The following OBSL1 variants were observed in gnomAD, a reference collection of about 807,000 sequenced individuals.
OBSL1 encodes the protein obscurin like cytoskeletal adaptor 1.
Under a neutral mutation model 172.0 loss-of-function variants are expected in OBSL1, and 160 were observed. The ratio of observed to expected loss-of-function variants is 0.93; its 90% CI spans 0.82 to 1.06. The LOEUF is 1.06. Ranked by LOEUF, OBSL1 falls within the 50% of genes least tolerant of loss-of-function variation. OBSL1 has a pLI of 0.00. For missense variants in OBSL1, 2,681 were observed against 2,715.4 expected (o/e 0.99, Z 0.28); for synonymous variants, 1,200 against 1,196.3 (o/e 1.00, Z -0.06).
At chr2:219,563,987 G>A (rs1308160683) in intron 6 of OBSL1, among the ~76,000 whole-genome samples, 2 of 152,196 alleles carry the variant, frequency 1.3e-5, no homozygotes, top group Non-Finnish European at 2.9e-5. Context: ...CCTCTATTAC[G>A]AGAAAGACCC....
chr2:219,562,030 T>C (rs768588544), intron 8 of OBSL1: 6 of 717,192 alleles, frequency 8.4e-6, no homozygotes, highest in South Asian at 3.0e-5. Flanking sequence ...ACAAAGCACA[T>C]GTGTGGAATG....
intron 1 of OBSL1, 80 bp downstream of exon 1, chr2:219,570,141 T>A (rs1203128701): frequency 7.8e-7 from 1 of 1,282,952 alleles, no homozygotes; most frequent in East Asian, 2.6e-5. Flanking sequence ...GGGGCAGCGC[T>A]GGGCACCGAG....
rs201690766 is a variant in OBSL1, at chr2:219,554,605, C to T, written c.4745G>A (p.Gly1582Glu). Residue 1582 changes from glycine to glutamate, a missense_variant, in exon 15 of 21, where the codon GGA becomes GAA. Physicochemically the swap from Gly to Glu is moderately conservative, Grantham distance 98. This residue lies in a region of OBSL1 where 1,765 missense variants were observed against 1,748.3 expected (regional missense o/e 1.01). Coordinates refer to ENST00000404537, the MANE Select transcript of OBSL1 (RefSeq NM_015311.3). ...WARGGVQLYPGPKCHIHSDGH... is the reference protein window; with the variant it reads ...WARGGVQLYPEPKCHIHSDGH... The stretch of plus-strand genomic sequence containing the variant: ...GTCCGAGTGGATGTGACACTTGGGT[C>T]CTGGATACAGCTGTACTCCACCCCG... 1.0e-4 allele frequency: 168 copies of T among 1,613,122 alleles called. No homozygotes were observed. The highest frequency in any genetic ancestry group is 1.2e-4 in the Non-Finnish European group (142 of 1,179,772).
downstream of OBSL1, chr2:219,548,051 G>A: frequency 6.3e-7 from 1 of 1,577,258 alleles, no homozygotes; most frequent in Non-Finnish European, 8.6e-7. Flanking sequence ...GCAGTGGAGG[G>A]TGACAGCTGA....
At chr2:219,556,325 T>C (rs747951032) in intron 13 of OBSL1, 33 bp from the exon 14 acceptor site, 2 of 1,569,054 alleles carry the variant, frequency 1.3e-6, no homozygotes, top group Non-Finnish European at 8.7e-7. Flanking sequence ...TGGAGTCTGG[T>C]GGGGTTGGAG....
In OBSL1 at chr2:219,568,312, C is replaced by T. The variant is rs761194151; in HGVS notation, c.1025G>A (p.Arg342Gln). 1.1e-5 allele frequency: 18 copies of T among 1,603,912 alleles called. No homozygotes were observed. Among genetic ancestry groups the T allele is most frequent in the African/African-American group, 5.3e-5 (4 of 74,794 alleles). ...VQLHVKEPRL[R>Q]FTRPLQDVEG... ...CACGTCCTGCAGGGGCCGTGTGAAC[C>T]GGAGGCGGGGCTCTGTGGAGAGGGG... Residue 342 changes from arginine (R) to glutamine (Q), a missense_variant, in exon 2 of 21, where the codon CGG becomes CAG. By Grantham distance (43) the Arg-to-Gln change is conservative. Transcript: ENST00000404537. The surrounding 1 kb of genome is among the most constrained non-coding windows in gnomAD (Gnocchi z 4.1).
downstream of OBSL1, chr2:219,547,339 A>G (rs887608953): frequency 1.2e-5 from 6 of 517,466 alleles, no homozygotes; most frequent in Non-Finnish European, 1.9e-5. Flanking sequence ...CCTGACCTCA[A>G]TGGCCCCATC....
At position 219,563,447 on chromosome 2, in the gene OBSL1, C is replaced by A. The variant is rs753610019; in HGVS notation, c.2588G>T (p.Arg863Leu). Residue 863 changes from arginine (R) to leucine (L), a missense_variant, in exon 7 of 21, where the codon CGC becomes CTC. This residue lies in a region of OBSL1 where 1,765 missense variants were observed against 1,748.3 expected (regional missense o/e 1.01). Coordinates refer to ENST00000404537, the MANE Select transcript of OBSL1 (RefSeq NM_015311.3). ...GGGCTGGGTGGCGGGCAGCACCAGG[C>A]GGCGATGGGGCCCCTCATTCTCCAG... is the stretch of plus-strand genomic sequence containing the variant. ...VVLENEGPHR[R>L]LVLPATQPSD... The A allele has an allele frequency of 1.2e-6, 2 of 1,613,616 alleles. No individual in the cohort carries two copies. The highest frequency in any genetic ancestry group is 2.2e-5 in the East Asian group (1 of 44,862).
At chr2:219,559,568 G>A in intron 8 of OBSL1, 71 bp from the exon 9 acceptor site, 1 of 1,403,306 alleles carries the variant, frequency 7.1e-7, no homozygotes, top group Non-Finnish European at 1.0e-6. Context: ...TCGGCAGCAT[G>A]AAGTCCCTAT....
Position 219,570,687 on chromosome 2 carries a change from G to A in OBSL1, c.546C>T (p.Gly182=), listed in dbSNP as rs778676610. Residue 182 remains glycine, a synonymous_variant, in exon 1 of 21, where the codon GGC becomes GGT. Transcript: ENST00000404537. The part of the protein sequence containing the change: ...WDSSHFALQP[G]RAEDGPGASL... Reference sequence around the variant, plus strand: ...TCGCGCCGGGGCCGTCCTCGGCGCGGCCCGGCTGGAGCGCGAAGTGGCTGC... The same window carrying A: ...TCGCGCCGGGGCCGTCCTCGGCGCGACCCGGCTGGAGCGCGAAGTGGCTGC... 91 of 1,508,744 alleles carry A rather than the reference G, an allele frequency of 6.0e-5. No homozygotes were observed. Among genetic ancestry groups the A allele is most frequent in the Middle Eastern group, 5.1e-4 (3 of 5,898 alleles). 93.5% of individuals were successfully genotyped at this position (1,508,744 alleles called of 1,614,324 possible).
Position 219,567,262 on chromosome 2 carries a change from G to A in OBSL1, c.1837+11C>T, listed in dbSNP as rs367683412. ...GAGAAGTGATGGGTGGGTCTGGCAG[G>A]ACCAACTCACCAAGGTGAGCAGAAC... On this transcript the variant is annotated intron_variant, in intron 4 of 20. Transcript: ENST00000404537. 1.3e-6 allele frequency: 2 copies of A among 1,582,928 alleles called. No individual in the cohort carries two copies. The highest frequency in any genetic ancestry group is 1.9e-4 in the Middle Eastern group (1 of 5,234).
At position 219,563,526 on chromosome 2, in the gene OBSL1, G is replaced by A; in HGVS notation, c.2509C>T (p.Pro837Ser). The A allele has an allele frequency of 1.2e-6, 2 of 1,613,886 alleles. No individual in the cohort carries two copies. Among genetic ancestry groups the A allele is most frequent in the South Asian group, 2.2e-5 (2 of 91,076 alleles). The change falls in exon 7 of 21, where the codon CCT (proline) becomes TCT (serine). Residue 837 changes from proline (P) to serine (S), a missense_variant. Pro to Ser is a moderately conservative substitution (Grantham distance 74). Around this residue, in one of 5 missense-constraint regions of OBSL1, gnomAD observed 1,765 missense variants for 1,748.3 expected, o/e 1.01. Coordinates refer to ENST00000404537, the MANE Select transcript of OBSL1 (RefSeq NM_015311.3). ...TGCCCGTCCTTGTACCAACGCACAG[G>A]GGCGTCCTCTCGGTCCACCTCACAG... is the stretch of plus-strand genomic sequence containing the variant. ...LACEVDREDAPVRWYKDGQEV... is the reference protein window; with the variant it reads ...LACEVDREDASVRWYKDGQEV...
intron 18 of OBSL1, 126 bp downstream of exon 18, chr2:219,552,410 G>A (rs1419738965): frequency 5.6e-5 from 56 of 992,492 alleles, no homozygotes; most frequent in Admixed American, 1.2e-4. Context: ...GAACAGGGAC[G>A]AGGCTCACAG....
Position 219,571,335 on chromosome 2 carries a change from C to T in OBSL1, c.-103G>A, listed in dbSNP as rs968151871. On this transcript the variant is annotated 5_prime_UTR_variant, in exon 1 of 21. Coordinates refer to ENST00000404537, the MANE Select transcript of OBSL1 (RefSeq NM_015311.3). ...GGCGGGGTCGGGGCGCGGCTGGGGA[C>T]TGGGCGCGGGGACCCGCGGAGCTCT... The T allele has an allele frequency of 1.1e-5, 8 of 755,536 alleles. No homozygotes were observed. The African/African-American group carries it at 1.1e-4, about 10-fold the overall frequency. The allele number at this position is 755,536 out of a possible 1,614,324, so 46.8% of individuals were successfully genotyped here.
intron 8 of OBSL1, chr2:219,561,674 G>T: frequency 1.7e-6 from 1 of 578,812 alleles, no homozygotes; most frequent in Non-Finnish European, 3.1e-6. Flanking sequence ...CTGTGCTCTT[G>T]AGCCCTCTGC....
chr2:219,557,000 C>T (rs1696062004), intron 12 of OBSL1: 1 of 505,712 alleles, frequency 2.0e-6, no homozygotes, highest in Non-Finnish European at 3.5e-6. Flanking sequence ...TTACTTGTCA[C>T]AACAGGCCTA....
At chr2:219,550,079 T>C (rs1412487957), downstream of OBSL1, 1 of 573,146 alleles carries the variant, frequency 1.7e-6, no homozygotes, top group South Asian at 2.4e-5. Flanking sequence ...GTGAACCCCA[T>C]TGGGGTGTGC....
At position 219,552,657 on chromosome 2, in the gene OBSL1, G is replaced by A; in HGVS notation, c.5187C>T (p.Ser1729=). The part of the protein sequence containing the change: ...VAVLSELRSV[S]AREGDGATFE... ...ACGTAGCGCCGTCGCCTTCGCGGGC[G>A]CTCACCGACCGCAGCTCGGAGAGTA... Residue 1729 remains serine (S), a synonymous_variant, in exon 18 of 21, where the codon AGC becomes AGT. Coordinates refer to ENST00000404537, the MANE Select transcript of OBSL1 (RefSeq NM_015311.3). The A allele has an allele frequency of 1.3e-6, 2 of 1,543,158 alleles. No individual in the cohort carries two copies. Among genetic ancestry groups the A allele is most frequent in the East Asian group, 2.4e-5 (1 of 41,458 alleles).
In OBSL1 at chr2:219,570,327, G is replaced by T; in HGVS notation, c.906C>A (p.Phe302Leu). 3 of 1,612,094 alleles carry T rather than the reference G, an allele frequency of 1.9e-6. No homozygotes were observed. The highest frequency in any genetic ancestry group is 2.5e-6 in the Non-Finnish European group (3 of 1,178,998). ...CCTGGCAGTAAAGCACCTTGAGCAC[G>T]AAGCCGCCGTCGCGGTCGCGGTACA... The part of the protein sequence containing the change: ...RLMYRDRDGG[F>L]VLKVLYCQAK... Residue 302 changes from phenylalanine to leucine, a missense_variant, in exon 1 of 21, where the codon TTC becomes TTA. By Grantham distance (22) the Phe-to-Leu change is conservative. Coordinates refer to ENST00000404537, the MANE Select transcript of OBSL1 (RefSeq NM_015311.3).
Sources: gnomAD v4.1 joint callset for allele counts (sites outside exome capture counted in the v4.1 genomes callset) on GRCh38, gnomAD v4.1.1 for gene constraint, gnomAD v4.1.1 regional missense constraint, Gnocchi (gnomAD v3.1) non-coding constraint, MANE v1.5 for transcripts, NCBI Gene and HGNC (gene_info 2026-07-23, HGNC 2026-07-21) for gene names.